The following ANKRD13B variants were observed in gnomAD, a reference collection of about 807,000 sequenced individuals.
ANKRD13B encodes ankyrin repeat domain 13B.
A neutral mutation model predicts 74.4 loss-of-function variants in ANKRD13B; 33 were observed. The ratio of observed to expected loss-of-function variants is 0.44; its 90% CI spans 0.34 to 0.59. The LOEUF is 0.59. Among genes scored for constraint, ANKRD13B ranks in the 20% least tolerant of loss-of-function variants. ANKRD13B has a pLI of 0.02. For synonymous variants in ANKRD13B, 341 were observed against 362.9 expected (o/e 0.94, Z 0.68); for missense variants, 676 against 877.9 (o/e 0.77, Z 2.91).
In ANKRD13B at chr17:29,614,116, C is replaced by T. The variant is rs2034715909; in HGVS notation, c.*534C>T. 6.5e-6 allele frequency: 1 copy of T among 152,784 alleles called. No individual in the cohort carries two copies. Among genetic ancestry groups the T allele is most frequent in the African/African-American group, 2.4e-5 (1 of 41,322 alleles). The allele number at this position is 152,784 out of a possible 1,614,324, so 9.5% of individuals were successfully genotyped here. ...CCCCTCCCCCACCCCGGCATTTCAG[C>T]GTCAAGTGCACTTAGCGGGGTACCC... On this transcript the variant is annotated 3_prime_UTR_variant, in exon 15 of 15. Coordinates refer to ENST00000394859, the MANE Select transcript of ANKRD13B (RefSeq NM_152345.5).
rs1456026019 is a variant in ANKRD13B at position 29,614,592 on chromosome 17, C to T, written c.*1010C>T. On this transcript the variant is annotated 3_prime_UTR_variant, in exon 15 of 15. Transcript: ENST00000394859. ...GCAGGGGCCCACCGCACACCCTTGT[C>T]CCGGGCCTGTCTGGGACTGGCCTTC... 6.6e-6 allele frequency: 1 copy of T among 152,598 alleles called. No individual in the cohort carries two copies. The highest frequency in any genetic ancestry group is 1.5e-5 in the Non-Finnish European group (1 of 68,172). 9.5% of individuals were successfully genotyped at this position (152,598 alleles called of 1,614,324 possible).
chr17:29,609,791 A>G lies in ANKRD13B; in HGVS notation c.822+370A>G, dbSNP rs1371460383. On this transcript the variant is annotated intron_variant, in intron 7 of 14. Coordinates refer to ENST00000394859, the MANE Select transcript of ANKRD13B (RefSeq NM_152345.5). This position sits in a 1 kb window ranked among gnomAD's most constrained non-coding sequence, Gnocchi z 4.0. ...GGTCCATTTTATGATGAGGAAATAGAGGCTTAGAGTGGTTCTGTGACCTGT... is the reference window on the plus strand; with the variant it reads ...GGTCCATTTTATGATGAGGAAATAGGGGCTTAGAGTGGTTCTGTGACCTGT... 6.6e-6 allele frequency among the ~76,000 whole-genome samples: 1 copy of G among 152,180 alleles called. No individual in the cohort carries two copies. Among genetic ancestry groups the G allele is most frequent in the East Asian group, 1.9e-4 (1 of 5,186 alleles).
chr17:29,611,813 A>C lies in ANKRD13B; in HGVS notation c.970-63A>C, dbSNP rs1447045821. 6.4e-7 allele frequency: 1 copy of C among 1,565,492 alleles called. No individual in the cohort carries two copies. Among genetic ancestry groups the C allele is most frequent in the Non-Finnish European group, 8.7e-7 (1 of 1,153,040 alleles). On this transcript the variant is annotated intron_variant, in intron 9 of 14. Transcript: ENST00000394859. This position sits in a 1 kb window ranked among gnomAD's most constrained non-coding sequence, Gnocchi z 4.3. ...GACAGCTTGGGGGCCTTGTGACAAC[A>C]AATGAGTTGGCCTGGCATTAGGAAC...
At chr17:29,593,757 C>T (rs1598590248) in intron 1 of ANKRD13B, 22 bp downstream of exon 1, 1 of 1,352,358 alleles carries the variant, frequency 7.4e-7, no homozygotes, top group East Asian at 3.2e-5. Context: ...TTCGGGGCGC[C>T]GCGGGGACCC....
chr17:29,611,847 G>A lies in ANKRD13B; in HGVS notation c.970-29G>A. On this transcript the variant is annotated intron_variant, in intron 9 of 14. Transcript: ENST00000394859. This position sits in a 1 kb window ranked among gnomAD's most constrained non-coding sequence, Gnocchi z 4.3. ...GGCCTGGCATTAGGAACTGAGGGGA[G>A]CTCCTGGGCCCCTCCCCATGTGGTA... The A allele has an allele frequency of 6.4e-7, 1 of 1,568,352 alleles. No homozygotes were observed.
At chr17:29,598,220 T>G (rs2150874590) in intron 1 of ANKRD13B, among the ~76,000 whole-genome samples, 1 of 152,334 alleles carries the variant, frequency 6.6e-6, no homozygotes, top group East Asian at 1.9e-4. Flanking sequence ...CCGCTGGTTT[T>G]TTTGAGGCTC....
intron 1 of ANKRD13B, among the ~76,000 whole-genome samples, chr17:29,599,933 G>A (rs1177531190): frequency 1.6e-5 from 2 of 126,476 alleles, no homozygotes; most frequent in Non-Finnish European, 3.1e-5. Context: ...CTAGAGTGCA[G>A]TGGCGCAATC....
chr17:29,613,182 G>C, intron 14 of ANKRD13B, 172 bp from the exon 15 acceptor site: 1 of 1,220,280 alleles, frequency 8.2e-7, no homozygotes, highest in Non-Finnish European at 1.1e-6. Context: ...GGGAGAACTT[G>C]GTAGGGTCTG....
intron 1 of ANKRD13B, 89 bp downstream of exon 1, chr17:29,593,824 C>T (rs2033852308): frequency 1.4e-6 from 1 of 700,744 alleles, no homozygotes; most frequent in Non-Finnish European, 1.9e-6. Flanking sequence ...GCTGTCCCGC[C>T]TCCCTGGCGA....
chr17:29,607,276 C>A (rs1217207591), intron 1 of ANKRD13B, among the ~76,000 whole-genome samples: 2 of 152,228 alleles, frequency 1.3e-5, no homozygotes, highest in Non-Finnish European at 2.9e-5. Flanking sequence ...TGTTAAACCT[C>A]ACTCAGTGAT....
rs1163156482 is a variant in ANKRD13B, at chr17:29,607,884, A to G, written c.250+7A>G. 5 of 1,592,594 alleles carry G rather than the reference A, an allele frequency of 3.1e-6. No homozygotes were observed. The highest frequency in any genetic ancestry group is 4.3e-6 in the Non-Finnish European group (5 of 1,168,774). ...AATCGCAGCGGCTGGACAGGTGGGC[A>G]GCCCTGCTCACCCCAGCCCCACAGC... On this transcript the variant is annotated splice_region_variant and intron_variant, in intron 2 of 14. Coordinates refer to ENST00000394859, the MANE Select transcript of ANKRD13B (RefSeq NM_152345.5).
At chr17:29,601,250 C>G (rs1197691637) in intron 1 of ANKRD13B, among the ~76,000 whole-genome samples, 4 of 145,542 alleles carry the variant, frequency 2.7e-5, no homozygotes, top group Admixed American at 1.4e-4. Flanking sequence ...GAGACAGAGT[C>G]TCTCTCTGTC....
At chr17:29,597,317 ACTC>A (rs1363920623) in intron 1 of ANKRD13B, among the ~76,000 whole-genome samples, 8 of 152,042 alleles carry the variant, frequency 5.3e-5, no homozygotes, top group African/African-American at 1.9e-4. Flanking sequence ...ACAGGAGTGG[ACTC>A]CTGCAGGGCC....
intron 1 of ANKRD13B, among the ~76,000 whole-genome samples, chr17:29,595,257 A>G (rs3110492): frequency 0.62 from 94,486 of 152,142 alleles, 29,491 homozygotes; most frequent in East Asian, 0.76. Context: ...TGTGAACAGG[A>G]AATTCCAGGG....
intron 7 of ANKRD13B, among the ~76,000 whole-genome samples, chr17:29,610,197 A>T (rs2034534078): frequency 6.6e-6 from 1 of 151,682 alleles, no homozygotes; most frequent in Non-Finnish European, 1.5e-5. Context: ...ATCTAAAAAA[A>T]AAAAAAAAAA....
chr17:29,603,047 C>T (rs1369160798), intron 1 of ANKRD13B, among the ~76,000 whole-genome samples: 2 of 152,114 alleles, frequency 1.3e-5, no homozygotes, highest in South Asian at 2.1e-4. Context: ...AATGGGGTTT[C>T]ACCATATTGG....
intron 1 of ANKRD13B, among the ~76,000 whole-genome samples, chr17:29,601,926 T>A (rs1441620515): frequency 6.6e-6 from 1 of 152,254 alleles, no homozygotes; most frequent in Non-Finnish European, 1.5e-5. Context: ...ACCTCATTTC[T>A]TTGAATGCTT....
Position 29,608,029 on chromosome 17 carries a change from G to A in ANKRD13B, c.294G>A (p.Gln98=). 1 of 1,612,548 alleles carries A rather than the reference G, an allele frequency of 6.2e-7. No individual in the cohort carries two copies. The highest frequency in any genetic ancestry group is 8.5e-7 in the Non-Finnish European group (1 of 1,179,340). ...GTACCCGGGACCTGGAGCTGGTGCA[G>A]CTGGTGCTTCGGTACCGGGACTACC... ...AVSTRDLELV[Q]LVLRYRDYQR... Residue 98 remains glutamine (Q), a synonymous_variant, in exon 3 of 15, where the codon CAG becomes CAA. Transcript: ENST00000394859. The surrounding 1 kb of genome is among the most constrained non-coding windows in gnomAD (Gnocchi z 6.4).
chr17:29,600,977 T>C (rs2034154678), intron 1 of ANKRD13B, among the ~76,000 whole-genome samples: 1 of 148,240 alleles, frequency 6.7e-6, no homozygotes, highest in Non-Finnish European at 1.5e-5. Context: ...TAGGCTGGAG[T>C]GCAGTGGGAT....
Sources: allele counts gnomAD v4.1 joint callset (sites outside exome capture counted in the v4.1 genomes callset), GRCh38; gene constraint gnomAD v4.1.1; non-coding constraint Gnocchi (gnomAD v3.1); transcripts MANE v1.5; gene names NCBI Gene and HGNC (gene_info 2026-07-23, HGNC 2026-07-21).